FBXW8: variants seen among roughly 807,000 people sequenced by gnomAD.
FBXW8 encodes F-box and WD repeat domain containing 8.
A neutral mutation model predicts 65.3 loss-of-function variants in FBXW8; 57 were observed. The ratio of observed to expected loss-of-function variants is 0.87; its 90% CI spans 0.71 to 1.09. The LOEUF is 1.09. Ranked by LOEUF, FBXW8 falls within the 50% of genes least tolerant of loss-of-function variation. The pLI is 0.00. For missense variants in FBXW8, 777 were observed against 814.8 expected, an observed-to-expected ratio of 0.95 and a Z score of 0.57; for synonymous variants, 308 against 330.2, an observed-to-expected ratio of 0.93 and a Z score of 0.73.
At chr12:117,023,824 C>A (rs566606857) in intron 8 of FBXW8, among the ~76,000 whole-genome samples, 32 of 152,338 alleles carry the variant, frequency 2.1e-4, no homozygotes, top group Admixed American at 2.0e-3. Context: ...GGCAGTACAC[C>A]TACTGCTGGG....
chr12:116,953,500 G>C (rs534439534), intron 4 of FBXW8, among the ~76,000 whole-genome samples: 1 of 152,182 alleles, frequency 6.6e-6, no homozygotes, highest in Non-Finnish European at 1.5e-5. Flanking sequence ...GGCTGGGCGC[G>C]GTGGCTCACG....
chr12:117,012,476 C>T (rs954930414), intron 8 of FBXW8, among the ~76,000 whole-genome samples: 1 of 151,944 alleles, frequency 6.6e-6, no homozygotes, highest in Admixed American at 6.6e-5. Context: ...CAGGGTTGCT[C>T]GGTCAGCAGC....
intron 8 of FBXW8, among the ~76,000 whole-genome samples, chr12:117,013,736 TTTTATTTA>T (rs571309697): frequency 6.6e-6 from 1 of 151,910 alleles, no homozygotes; most frequent in Non-Finnish European, 1.5e-5. Context: ...GGTGTTTTCT[TTTTATTTA>T]TTTATTTATT....
At chr12:116,993,969 A>G (rs915324855) in intron 7 of FBXW8, among the ~76,000 whole-genome samples, 2 of 152,310 alleles carry the variant, frequency 1.3e-5, no homozygotes, top group East Asian at 1.9e-4. Context: ...TCCCAGCACC[A>G]TTTATTGAAT....
chr12:116,993,354 GGCTTCTCAAAGT>G (rs1299597876), intron 7 of FBXW8, among the ~76,000 whole-genome samples: 3 of 151,938 alleles, frequency 2.0e-5, no homozygotes, highest in Non-Finnish European at 4.4e-5. Context: ...TGCCTGCCTT[GGCTTCTCAAAGT>G]GCTGGGATTA....
intron 1 of FBXW8, among the ~76,000 whole-genome samples, chr12:116,919,274 G>C (rs1880692343): frequency 6.6e-6 from 1 of 152,202 alleles, no homozygotes; most frequent in Admixed American, 6.5e-5. Context: ...TTAACTAAAA[G>C]AATGACATTA....
chr12:116,988,554 C>A, intron 6 of FBXW8, 109 bp from the exon 7 acceptor site: 1 of 931,054 alleles, frequency 1.1e-6, no homozygotes, highest in Non-Finnish European at 1.7e-6. Context: ...ATTTGCCCAT[C>A]TTTTTCTGTT....
At chr12:116,962,864 G>A (rs1356432147) in intron 4 of FBXW8, among the ~76,000 whole-genome samples, 1 of 152,164 alleles carries the variant, frequency 6.6e-6, no homozygotes, top group Non-Finnish European at 1.5e-5. Context: ...GTCACACTGA[G>A]CCCGGTATTT....
At chr12:117,009,410 C>A (rs963645605) in intron 7 of FBXW8, among the ~76,000 whole-genome samples, 7 of 151,916 alleles carry the variant, frequency 4.6e-5, no homozygotes, top group Non-Finnish European at 1.0e-4. Flanking sequence ...CTCAAAAAAA[C>A]CAAAAACTTC....
chr12:116,946,163 G>A (rs1592871262), intron 3 of FBXW8, among the ~76,000 whole-genome samples: 1 of 152,320 alleles, frequency 6.6e-6, no homozygotes, highest in South Asian at 2.1e-4. Context: ...CACCTGGGAG[G>A]CTGGAGATTC....
chr12:117,008,370 A>C (rs969549658), intron 7 of FBXW8, among the ~76,000 whole-genome samples: 1 of 152,206 alleles, frequency 6.6e-6, no homozygotes, highest in South Asian at 2.1e-4. Context: ...TCTGATGATA[A>C]GAGATTTGGT....
At chr12:117,009,567 G>C (rs1037699816) in intron 7 of FBXW8, among the ~76,000 whole-genome samples, 1 of 152,218 alleles carries the variant, frequency 6.6e-6, no homozygotes, top group Non-Finnish European at 1.5e-5. Flanking sequence ...CTACGACAGT[G>C]ACTGACACAT....
chr12:116,979,590 CTGTT>C (rs1885166057), intron 5 of FBXW8: 1 of 152,176 alleles, frequency 6.6e-6, no homozygotes, highest in Non-Finnish European at 1.5e-5. Context: ...CATCCTTTTC[CTGTT>C]TGTTATGAGT....
chr12:116,953,567 C>T (rs937368860), intron 4 of FBXW8, among the ~76,000 whole-genome samples: 12 of 151,424 alleles, frequency 7.9e-5, no homozygotes, highest in Non-Finnish European at 1.3e-4. Context: ...GTCAGGAGAT[C>T]GAGACCATCC....
At position 116,943,320 on chromosome 12, in the gene FBXW8, T is replaced by C. The variant is rs116239072; in HGVS notation, c.424-2044T>C. 5.4e-3 allele frequency among the ~76,000 whole-genome samples: 828 copies of C among 152,336 alleles called. 11 individuals are homozygous for C. The highest frequency in any genetic ancestry group is 0.019 in the African/African-American group (799 of 41,572). On this transcript the variant is annotated intron_variant, in intron 2 of 10. Transcript: ENST00000652555. Reference sequence around the variant, plus strand: ...ACTGGACATTTTAAATAATGGAAACTCTGGAAATAGAATCTTTCTCCCTCT... The same window carrying C: ...ACTGGACATTTTAAATAATGGAAACCCTGGAAATAGAATCTTTCTCCCTCT...
chr12:116,951,335 T>A (rs1229875493), intron 4 of FBXW8: 1 of 152,252 alleles, frequency 6.6e-6, no homozygotes, highest in African/African-American at 2.4e-5. Flanking sequence ...GTTACGATGC[T>A]TGTTTTCTGG....
intron 1 of FBXW8, among the ~76,000 whole-genome samples, chr12:116,925,185 G>A (rs923958922): frequency 6.6e-6 from 1 of 152,142 alleles, no homozygotes; most frequent in Non-Finnish European, 1.5e-5. Context: ...TGAGCAAGGG[G>A]GCCAGGCCTT....
At chr12:116,973,823 T>C (rs1309170317) in intron 5 of FBXW8, among the ~76,000 whole-genome samples, 1 of 152,210 alleles carries the variant, frequency 6.6e-6, no homozygotes, top group East Asian at 1.9e-4. Context: ...AGTGAGTATA[T>C]AGAAGTTCTT....
intron 2 of FBXW8, among the ~76,000 whole-genome samples, chr12:116,929,181 G>A (rs977742108): frequency 1.2e-4 from 19 of 152,132 alleles, no homozygotes; most frequent in Admixed American, 6.5e-4. Flanking sequence ...AAAGGTTTAT[G>A]CCATTAACAT....
Sources: allele counts gnomAD v4.1 joint callset (sites outside exome capture counted in the v4.1 genomes callset), GRCh38; gene constraint gnomAD v4.1.1; transcripts MANE v1.5; gene names NCBI Gene and HGNC (gene_info 2026-07-23, HGNC 2026-07-21).